The following SLC9A7 variants were observed in gnomAD, a reference collection of about 807,000 sequenced individuals.
SLC9A7 encodes the protein solute carrier family 9 member A7.
A neutral mutation model predicts 52.6 loss-of-function variants in SLC9A7; 19 were observed. The ratio of observed to expected loss-of-function variants is 0.36; its 90% CI spans 0.25 to 0.53. The LOEUF is 0.53. Ranked by LOEUF, SLC9A7 falls within the 20% of genes least tolerant of loss-of-function variation. The probability of loss-of-function intolerance (pLI) is 0.91; values close to 1 mark genes in which losing one functional copy is unlikely to be tolerated. For missense variants in SLC9A7, 455 were observed against 597.9 expected (o/e 0.76, Z 2.49); for synonymous variants, 226 against 252.1 (o/e 0.90, Z 0.98).
chrX:46,600,051 C>T lies in SLC9A7; in HGVS notation c.*6901G>A, dbSNP rs1202097735. 1.8e-5 allele frequency: 2 copies of T among 111,930 alleles called. No homozygotes were observed. The highest frequency in any genetic ancestry group is 6.5e-5 in the African/African-American group (2 of 30,765). 9.2% of individuals were successfully genotyped at this position (111,930 alleles called of 1,213,427 possible). ...AAAAGGACAACTTAGGAGGAGCTGG[C>T]CCTACTATGAAGTCACACTTTGAAC... is the stretch of plus-strand genomic sequence containing the variant. On this transcript the variant is annotated 3_prime_UTR_variant, in exon 17 of 17. Transcript: ENST00000616978.
chrX:46,678,727 T>C (rs1944163157), intron 3 of SLC9A7, among the ~76,000 whole-genome samples: 1 of 111,343 alleles, frequency 9.0e-6, no homozygotes, highest in Non-Finnish European at 1.9e-5. Flanking sequence ...GTAATAAGGA[T>C]ACTTAGGTTC....
rs1456699533 is a variant in SLC9A7, at chrX:46,622,594, C to T, written c.1741-1535G>A. Among the ~76,000 whole-genome samples, 3 of 111,541 alleles carry T rather than the reference C, an allele frequency of 2.7e-5. No homozygotes were observed. The East Asian group carries it at 8.4e-4, about 31-fold the overall frequency. On this transcript the variant is annotated intron_variant, in intron 14 of 16. Coordinates refer to ENST00000616978, the MANE Select transcript of SLC9A7 (RefSeq NM_001257291.2). ...CCAAAGTCAGTTTCTTCCGCTTCTT[C>T]CCTTAAATCAATGATGAAAACAATG...
chrX:46,643,451 G>A, intron 11 of SLC9A7, 62 bp from the exon 12 acceptor site: 3 of 1,061,065 alleles, frequency 2.8e-6, no homozygotes, highest in Non-Finnish European at 2.6e-6. Flanking sequence ...GTCTCAAAAT[G>A]CACTGCTGCC....
intron 1 of SLC9A7, among the ~76,000 whole-genome samples, chrX:46,693,651 T>G (rs1306708475): frequency 9.1e-6 from 1 of 110,152 alleles, no homozygotes; most frequent in Non-Finnish European, 1.9e-5. Flanking sequence ...TTATACAACC[T>G]TTAGGAAAAA....
chrX:46,635,517 G>A (rs1341998738), intron 13 of SLC9A7, 72 bp downstream of exon 13: 2 of 854,623 alleles, frequency 2.3e-6, no homozygotes, highest in East Asian at 6.3e-5. Flanking sequence ...AGTGTAAAGA[G>A]AAATATCTGA....
intron 1 of SLC9A7, among the ~76,000 whole-genome samples, chrX:46,731,612 T>G (rs1287782611): frequency 9.3e-6 from 1 of 107,994 alleles, no homozygotes; most frequent in Non-Finnish European, 1.9e-5. Flanking sequence ...AAATAAAAAT[T>G]TAATAAAAAT....
intron 4 of SLC9A7, 75 bp from the exon 5 acceptor site, chrX:46,669,794 T>C (rs1378113181): frequency 6.7e-6 from 3 of 449,726 alleles, no homozygotes; most frequent in Non-Finnish European, 1.1e-5. Context: ...AGAATAGCAC[T>C]AGAATGCTGC....
intron 11 of SLC9A7, among the ~76,000 whole-genome samples, chrX:46,645,282 T>A (rs1216954289): frequency 8.9e-6 from 1 of 112,353 alleles, no homozygotes; most frequent in African/African-American, 3.2e-5. Flanking sequence ...ATTCCTAATA[T>A]GTACATAGAA....
At chrX:46,718,829 A>G (rs1944813138) in intron 1 of SLC9A7, among the ~76,000 whole-genome samples, 1 of 112,037 alleles carries the variant, frequency 8.9e-6, no homozygotes, top group African/African-American at 3.3e-5. Context: ...AGAAACAGGA[A>G]CACTTTTACA....
intron 2 of SLC9A7, 56 bp downstream of exon 2, chrX:46,682,280 A>T: frequency 9.2e-7 from 1 of 1,084,711 alleles, no homozygotes; most frequent in Non-Finnish European, 1.3e-6. Context: ...GGTCAAGACA[A>T]GTCAGGGAAT....
intron 1 of SLC9A7, among the ~76,000 whole-genome samples, chrX:46,700,026 A>T (rs1055272325): frequency 4.6e-5 from 5 of 108,850 alleles, no homozygotes; most frequent in African/African-American, 1.3e-4. Context: ...GATCACTTGA[A>T]CCCAGGAGTT....
chrX:46,616,423 T>C (rs1186632083), intron 15 of SLC9A7, among the ~76,000 whole-genome samples: 2 of 110,889 alleles, frequency 1.8e-5, no homozygotes, highest in South Asian at 3.8e-4. Context: ...TGCTGTTCTC[T>C]GGAGAACCAA....
chrX:46,717,483 G>A (rs917345906), intron 1 of SLC9A7, among the ~76,000 whole-genome samples: 1 of 111,366 alleles, frequency 9.0e-6, no homozygotes, highest in African/African-American at 3.3e-5. Context: ...GGGTTCAAGC[G>A]ATTCTCCTGC....
At position 46,687,503 on chromosome X, in the gene SLC9A7, G is replaced by A. The variant is rs187939727; in HGVS notation, c.326-4968C>T. 3.6e-5 allele frequency among the ~76,000 whole-genome samples: 4 copies of A among 112,187 alleles called. No homozygotes were observed. In the East Asian group the frequency reaches 8.4e-4, roughly 23 times the overall value. ...GAGAATCCAATGGATTCCAGCAGTT[G>A]ACAATGACTTTTCAGGTTTGGGGGT... On this transcript the variant is annotated intron_variant, in intron 1 of 16. Coordinates refer to ENST00000616978, the MANE Select transcript of SLC9A7 (RefSeq NM_001257291.2).
intron 5 of SLC9A7, among the ~76,000 whole-genome samples, chrX:46,667,943 T>C (rs1943947725): frequency 8.9e-6 from 1 of 112,062 alleles, no homozygotes; most frequent in South Asian, 3.7e-4. Flanking sequence ...CTTGTAAGAA[T>C]TGGTTCAACC....
intron 1 of SLC9A7, among the ~76,000 whole-genome samples, chrX:46,698,424 T>C (rs1212516295): frequency 8.9e-6 from 1 of 112,333 alleles, no homozygotes; most frequent in African/African-American, 3.2e-5. Flanking sequence ...TACGTGAATA[T>C]TGGGGCAACT....
chrX:46,748,091 A>T (rs1264337684), intron 1 of SLC9A7, among the ~76,000 whole-genome samples: 1 of 111,649 alleles, frequency 9.0e-6, no homozygotes, highest in African/African-American at 3.3e-5. Context: ...TCATGCCTGT[A>T]ATCCCAGCAC....
chrX:46,691,541 T>A (rs1365963998), intron 1 of SLC9A7, among the ~76,000 whole-genome samples: 2 of 111,988 alleles, frequency 1.8e-5, no homozygotes, highest in East Asian at 5.6e-4. Context: ...TGGGCTGTTG[T>A]AAGAATGTAG....
intron 12 of SLC9A7, among the ~76,000 whole-genome samples, chrX:46,641,045 G>A (rs1245060466): frequency 8.9e-6 from 1 of 112,776 alleles, no homozygotes; most frequent in Non-Finnish European, 1.9e-5. Context: ...CTATCTTGCA[G>A]AGGTAAAAAT....
Sources: allele counts gnomAD v4.1 joint callset (sites outside exome capture counted in the v4.1 genomes callset), GRCh38; gene constraint gnomAD v4.1.1; transcripts MANE v1.5; gene names NCBI Gene and HGNC (gene_info 2026-07-23, HGNC 2026-07-21).